The following DSCAM variants were observed in gnomAD, a reference collection of about 807,000 sequenced individuals.
DSCAM encodes the protein DS cell adhesion molecule.
In DSCAM, 47 loss-of-function variants were observed where a neutral mutation model predicts 217.7. That is an observed-to-expected ratio of 0.22 (90% CI 0.17 to 0.28). The LOEUF is 0.28. DSCAM is among the 10% of genes least tolerant of loss of function. The probability of loss-of-function intolerance (pLI) is 1.00; values close to 1 mark genes in which losing one functional copy is unlikely to be tolerated. For missense variants in DSCAM, 2,080 were observed against 2,618.3 expected, an observed-to-expected ratio of 0.79 and a Z score of 4.49; for synonymous variants, 1,056 against 1,015.3, an observed-to-expected ratio of 1.04 and a Z score of -0.76.
intron 6 of DSCAM, among the ~76,000 whole-genome samples, chr21:40,339,747 T>C (rs2074468671): frequency 6.6e-6 from 1 of 152,254 alleles, no homozygotes; most frequent in South Asian, 2.1e-4. Flanking sequence ...CACAAAGTTA[T>C]AAACAGACGG....
intron 3 of DSCAM, among the ~76,000 whole-genome samples, chr21:40,575,444 A>G (rs2076842115): frequency 6.6e-6 from 1 of 152,136 alleles, no homozygotes; most frequent in Non-Finnish European, 1.5e-5. Flanking sequence ...TTTTGGCATA[A>G]GACAGACAAT....
intron 18 of DSCAM, among the ~76,000 whole-genome samples, chr21:40,141,203 T>C (rs1297752335): frequency 6.6e-6 from 1 of 152,080 alleles, no homozygotes; most frequent in African/African-American, 2.4e-5. Flanking sequence ...GGGACAGGGG[T>C]CTGCCTGGTA....
rs145335495 is a variant in DSCAM, at chr21:40,189,391, G to T, written c.2357-153C>A. Among the ~76,000 whole-genome samples the T allele has an allele frequency of 2.3e-3, 353 of 152,280 alleles. 2 individuals carry two copies. Among genetic ancestry groups the T allele is most frequent in the African/African-American group, 8.2e-3 (341 of 41,562 alleles). ...GCATGAGAATCTCGAGCAAAATAAA[G>T]GAAAGGCACCAGAAAAATGAAACTT... On this transcript the variant is annotated intron_variant, in intron 11 of 32. Transcript: ENST00000400454.
chr21:40,539,366 G>A (rs1409811196), intron 3 of DSCAM, among the ~76,000 whole-genome samples: 1 of 152,022 alleles, frequency 6.6e-6, no homozygotes, highest in Non-Finnish European at 1.5e-5. Flanking sequence ...ATGGTGGCAG[G>A]CGCCTGTAGT....
chr21:40,257,764 A>C (rs1419926968), intron 11 of DSCAM, among the ~76,000 whole-genome samples: 1 of 152,134 alleles, frequency 6.6e-6, no homozygotes, highest in African/African-American at 2.4e-5. Flanking sequence ...ATGCTCATGC[A>C]CTTACCCTTG....
chr21:40,824,299 C>G (rs1477036408), intron 1 of DSCAM, among the ~76,000 whole-genome samples: 1 of 151,952 alleles, frequency 6.6e-6, no homozygotes, highest in Non-Finnish European at 1.5e-5. Flanking sequence ...ATTGATTGCT[C>G]AAATAGAGAT....
chr21:40,429,125 T>A (rs527818255), intron 3 of DSCAM, among the ~76,000 whole-genome samples: 1 of 152,292 alleles, frequency 6.6e-6, no homozygotes, highest in South Asian at 2.1e-4. Context: ...TGTTATTATA[T>A]GGCACCAACA....
intron 3 of DSCAM, among the ~76,000 whole-genome samples, chr21:40,678,369 A>G (rs919712490): frequency 1.3e-5 from 2 of 152,194 alleles, no homozygotes; most frequent in African/African-American, 4.8e-5. Flanking sequence ...AACCACCACA[A>G]AATCCCAGGT....
intron 14 of DSCAM, 94 bp downstream of exon 14, chr21:40,187,037 G>A: frequency 6.7e-7 from 1 of 1,482,304 alleles, no homozygotes; most frequent in Non-Finnish European, 9.2e-7. Context: ...CCTGTGAGCT[G>A]AGCTGTGCGC....
intron 3 of DSCAM, among the ~76,000 whole-genome samples, chr21:40,593,001 A>G (rs1009123449): frequency 2.1e-4 from 32 of 152,218 alleles, no homozygotes; most frequent in African/African-American, 7.5e-4. Flanking sequence ...TGACGAAGTT[A>G]AATGTTTGAA....
intron 4 of DSCAM, among the ~76,000 whole-genome samples, chr21:40,357,343 T>C (rs2074704612): frequency 6.6e-6 from 1 of 152,196 alleles, no homozygotes; most frequent in African/African-American, 2.4e-5. Flanking sequence ...CACTGATCTC[T>C]GGCATCTTCT....
chr21:40,732,095 A>G (rs2091018587), intron 1 of DSCAM, among the ~76,000 whole-genome samples: 1 of 152,150 alleles, frequency 6.6e-6, no homozygotes, highest in Non-Finnish European at 1.5e-5. Context: ...TTAAGGCTTC[A>G]ACATAGTTTT....
intron 11 of DSCAM, among the ~76,000 whole-genome samples, chr21:40,202,442 G>T (rs902211166): frequency 3.9e-5 from 6 of 152,216 alleles, no homozygotes; most frequent in Non-Finnish European, 7.3e-5. Flanking sequence ...ACAGCACACT[G>T]CCTGTGGCTC....
intron 1 of DSCAM, among the ~76,000 whole-genome samples, chr21:40,742,899 A>T (rs1328303946): frequency 6.6e-6 from 1 of 152,214 alleles, no homozygotes; most frequent in Non-Finnish European, 1.5e-5. Flanking sequence ...TATTTTAAAG[A>T]TGAGGAAATA....
At chr21:40,364,751 A>G (rs185761532) in intron 4 of DSCAM, among the ~76,000 whole-genome samples, 1 of 138,370 alleles carries the variant, frequency 7.2e-6, no homozygotes, top group Admixed American at 7.2e-5. Flanking sequence ...TACACACACT[A>G]GTATATATAC....
At chr21:40,301,930 G>A (rs1373310917) in intron 9 of DSCAM, among the ~76,000 whole-genome samples, 1 of 152,162 alleles carries the variant, frequency 6.6e-6, no homozygotes, top group Non-Finnish European at 1.5e-5. Flanking sequence ...CCTCATAGGA[G>A]GACTCTGGCC....
At chr21:40,251,924 T>A (rs1191049689) in intron 11 of DSCAM, among the ~76,000 whole-genome samples, 1 of 152,138 alleles carries the variant, frequency 6.6e-6, no homozygotes, top group East Asian at 1.9e-4. Flanking sequence ...GACATCCTCA[T>A]GGCAAGGTAC....
intron 21 of DSCAM, 123 bp from the exon 22 acceptor site, chr21:40,087,410 T>A (rs2089547530): frequency 1.4e-6 from 1 of 700,386 alleles, no homozygotes; most frequent in African/African-American, 1.7e-5. Flanking sequence ...ACATTACAAC[T>A]GTCAACACTA....
chr21:40,576,859 C>T (rs1196295727), intron 3 of DSCAM, among the ~76,000 whole-genome samples: 1 of 151,900 alleles, frequency 6.6e-6, no homozygotes, highest in East Asian at 1.9e-4. Context: ...CACGAAATAT[C>T]TTTTTATACC....
Sources: gnomAD v4.1 joint callset for allele counts (sites outside exome capture counted in the v4.1 genomes callset) on GRCh38, gnomAD v4.1.1 for gene constraint, MANE v1.5 for transcripts, NCBI Gene and HGNC (gene_info 2026-07-23, HGNC 2026-07-21) for gene names.